ZBBX: variants seen among roughly 807,000 people sequenced by gnomAD.
ZBBX encodes the protein zinc finger B-box domain containing.
In ZBBX, 101 loss-of-function variants were observed where a neutral mutation model predicts 108.5. The ratio of observed to expected loss-of-function variants is 0.93; its 90% CI spans 0.79 to 1.10. ZBBX has a LOEUF of 1.10. Among genes scored for constraint, ZBBX ranks in the 50% least tolerant of loss-of-function variants. ZBBX has a pLI of 0.00. For missense variants in ZBBX, 1,009 were observed against 941.4 expected, an observed-to-expected ratio of 1.07 and a Z score of -0.94; for synonymous variants, 356 against 323.4, an observed-to-expected ratio of 1.10 and a Z score of -1.08.
intron 20 of ZBBX, among the ~76,000 whole-genome samples, chr3:167,275,403 C>T (rs1450711275): frequency 3.9e-5 from 6 of 151,916 alleles, no homozygotes; most frequent in South Asian, 2.1e-4. Context: ...AGACAGTGGG[C>T]GCAGGTCAGT....
chr3:167,372,259 T>C (rs1045290759), intron 4 of ZBBX, among the ~76,000 whole-genome samples: 25 of 151,948 alleles, frequency 1.6e-4, no homozygotes, highest in Admixed American at 1.5e-3. Flanking sequence ...CTTACTGATA[T>C]TGAAGAGGAA....
intron 12 of ZBBX, among the ~76,000 whole-genome samples, chr3:167,319,356 C>T (rs193289793): frequency 1.8e-4 from 27 of 151,796 alleles, no homozygotes; most frequent in African/African-American, 2.7e-4. Context: ...ATAGTTGTTA[C>T]GGACTAAGAA....
chr3:167,259,210 T>A lies in ZBBX; in HGVS notation c.2255-16567A>T, dbSNP rs1724039002. On this transcript the variant is annotated intron_variant, in intron 20 of 21. Transcript: ENST00000675490. ...CTGATTTAAGCTAAGAGGGTTATAT[T>A]TTTCCAGGAATTTATCCATGTATTC... Among the ~76,000 whole-genome samples, 5 of 152,154 alleles carry A rather than the reference T, an allele frequency of 3.3e-5. No homozygotes were observed. The South Asian group carries it at 1.0e-3, about 32-fold the overall frequency.
At chr3:167,192,879 G>A in the ZBBX span, among the ~76,000 whole-genome samples, 4 of 152,076 alleles carry the variant, frequency 2.6e-5, no homozygotes, top group African/African-American at 9.7e-5. Flanking sequence ...ACTTTTCTGT[G>A]TTATCTCAGA....
upstream of ZBBX, among the ~76,000 whole-genome samples, chr3:167,382,852 TA>T (rs1747795301): frequency 1.3e-5 from 2 of 152,130 alleles, 1 homozygote; most frequent in South Asian, 4.1e-4. Context: ...TCTGGATATG[TA>T]AATAATGTCT....
At chr3:167,218,743 C>T in the ZBBX span, among the ~76,000 whole-genome samples, 1 of 152,046 alleles carries the variant, frequency 6.6e-6, no homozygotes, top group African/African-American at 2.4e-5. Context: ...AACCAGAACA[C>T]AAATAACTAA....
intron 9 of ZBBX, among the ~76,000 whole-genome samples, chr3:167,336,155 C>T (rs1010517197): frequency 2.0e-5 from 3 of 151,614 alleles, no homozygotes; most frequent in Admixed American, 2.0e-4. Flanking sequence ...ATTTAAGTAA[C>T]ACAAAACAAA....
chr3:167,287,474 A>G (rs1729907878), intron 19 of ZBBX, among the ~76,000 whole-genome samples: 3 of 152,132 alleles, frequency 2.0e-5, no homozygotes, highest in Admixed American at 1.3e-4. Flanking sequence ...GACTTTTGAG[A>G]AAATTTTATA....
At chr3:167,304,662 T>C (rs529164306) in intron 17 of ZBBX, among the ~76,000 whole-genome samples, 3 of 152,272 alleles carry the variant, frequency 2.0e-5, no homozygotes, top group South Asian at 4.1e-4. Context: ...TCCAAACCTA[T>C]GCTAAATGAA....
At chr3:167,387,642 AAG>A (rs1747958779) in intron 1 of ZBBX, among the ~76,000 whole-genome samples, 2 of 152,166 alleles carry the variant, frequency 1.3e-5, no homozygotes, top group South Asian at 4.1e-4. Context: ...GACGTGGAGA[AAG>A]AGAGAAGAGG....
At chr3:167,299,664 AG>A (rs1732308555) in intron 17 of ZBBX, among the ~76,000 whole-genome samples, 1 of 152,290 alleles carries the variant, frequency 6.6e-6, no homozygotes, top group East Asian at 1.9e-4. Flanking sequence ...TTCCGTAGGA[AG>A]TACTACCTTA....
intron 1 of ZBBX, among the ~76,000 whole-genome samples, chr3:167,391,602 A>G (rs1420640831): frequency 6.6e-6 from 1 of 151,984 alleles, no homozygotes; most frequent in East Asian, 1.9e-4. Flanking sequence ...TTAGCTGGAA[A>G]TCCGTTTGGC....
At chr3:167,400,215 A>T (rs917064614) in intron 1 of ZBBX, among the ~76,000 whole-genome samples, 1 of 152,142 alleles carries the variant, frequency 6.6e-6, no homozygotes, top group African/African-American at 2.4e-5. Context: ...CTTTGGGTAT[A>T]TACCCAGTAG....
At chr3:167,252,892 T>C (rs1722862601) in intron 20 of ZBBX, among the ~76,000 whole-genome samples, 1 of 152,228 alleles carries the variant, frequency 6.6e-6, no homozygotes, top group South Asian at 2.1e-4. Flanking sequence ...ATGTATCAAT[T>C]TTTAAAATTA....
At chr3:167,355,411 T>A (rs919034079) in intron 8 of ZBBX, among the ~76,000 whole-genome samples, 4 of 151,928 alleles carry the variant, frequency 2.6e-5, no homozygotes, top group African/African-American at 9.7e-5. Context: ...AAAGAGGGAT[T>A]AAGTCATTTG....
chr3:167,301,817 C>A (rs771716218), intron 17 of ZBBX, among the ~76,000 whole-genome samples: 71 of 151,880 alleles, frequency 4.7e-4, no homozygotes, highest in Non-Finnish European at 7.8e-4. Context: ...GTTAGCCAGG[C>A]GTACTGGTGG....
Position 167,277,119 on chromosome 3 carries a change from G to A in ZBBX, c.2254+5119C>T, listed in dbSNP as rs563325588. Among the ~76,000 whole-genome samples the A allele has an allele frequency of 8.8e-4, 133 of 151,866 alleles. 1 individual carries two copies. Among genetic ancestry groups the A allele is most frequent in the Non-Finnish European group, 1.4e-3 (95 of 67,932 alleles). On this transcript the variant is annotated intron_variant, in intron 20 of 21. Transcript: ENST00000675490. The stretch of plus-strand genomic sequence containing the variant: ...GCGCTAAACATGGAAAGGAACAACC[G>A]GTACCAGCTGCTGCAAAATCATGCT...
chr3:167,336,094 C>A (rs901725507), intron 9 of ZBBX, among the ~76,000 whole-genome samples: 19 of 151,758 alleles, frequency 1.3e-4, no homozygotes, highest in African/African-American at 4.4e-4. Flanking sequence ...TTTAAAATAT[C>A]AAAAGCTATA....
In ZBBX at chr3:167,302,299, T is replaced by A. The variant is rs145514898; in HGVS notation, c.1725+3344A>T. 6.8e-3 allele frequency among the ~76,000 whole-genome samples: 1,029 copies of A among 152,266 alleles called. 10 individuals carry two copies. The highest frequency in any genetic ancestry group is 8.9e-3 in the South Asian group (43 of 4,826). On this transcript the variant is annotated intron_variant, in intron 17 of 21. Coordinates refer to ENST00000675490, the MANE Select transcript of ZBBX (RefSeq NM_001199201.2). The stretch of plus-strand genomic sequence containing the variant: ...ATTGATGGATTTGTCAATAATACCA[T>A]GTGGTTTTGTCCATTTTTGCTACAA...
Sources: gnomAD v4.1 joint callset for allele counts (sites outside exome capture counted in the v4.1 genomes callset) on GRCh38, gnomAD v4.1.1 for gene constraint, MANE v1.5 for transcripts, NCBI Gene and HGNC (gene_info 2026-07-23, HGNC 2026-07-21) for gene names.